DIP2B: variants seen among roughly 807,000 people sequenced by gnomAD.
The protein encoded by DIP2B is DIP2 acetate--CoA ligase B (putative).
A neutral mutation model predicts 198.0 loss-of-function variants in DIP2B; 76 were observed. That is an observed-to-expected ratio of 0.38 (90% confidence interval 0.32 to 0.46). DIP2B has a LOEUF of 0.46. Ranked by LOEUF, DIP2B falls within the 20% of genes least tolerant of loss-of-function variation. DIP2B has a pLI of 0.99. For missense variants in DIP2B, 1,559 were observed against 1,978.4 expected (o/e 0.79, Z 4.02); for synonymous variants, 701 against 739.1 (o/e 0.95, Z 0.84).
chr12:50,529,355 T>C (rs1418121905), intron 1 of DIP2B, among the ~76,000 whole-genome samples: 2 of 152,136 alleles, frequency 1.3e-5, no homozygotes, highest in Non-Finnish European at 2.9e-5. Flanking sequence ...AAGGGAGACA[T>C]GTTCAAGTAC....
chr12:50,639,178 C>T (rs1938211530), intron 2 of DIP2B, among the ~76,000 whole-genome samples: 1 of 151,640 alleles, frequency 6.6e-6, no homozygotes, highest in Non-Finnish European at 1.5e-5. Context: ...CAACCTCTGC[C>T]TCCAGGTTCA....
At chr12:50,627,177 C>T (rs1402777797) in intron 2 of DIP2B, among the ~76,000 whole-genome samples, 3 of 152,112 alleles carry the variant, frequency 2.0e-5, no homozygotes, top group South Asian at 4.1e-4. Context: ...TGGATCTGGC[C>T]CATGCCTCTG....
intron 1 of DIP2B, among the ~76,000 whole-genome samples, chr12:50,558,291 C>T (rs929448276): frequency 2.0e-5 from 3 of 152,136 alleles, no homozygotes; most frequent in African/African-American, 7.2e-5. Context: ...GATCAGTCTC[C>T]TGTACCCTTA....
Position 50,526,297 on chromosome 12 carries a change from G to A in DIP2B, c.100+21057G>A, listed in dbSNP as rs910097825. Among the ~76,000 whole-genome samples the A allele has an allele frequency of 4.6e-5, 7 of 152,286 alleles. No individual in the cohort carries two copies. The East Asian group carries it at 1.3e-3, about 29-fold the overall frequency. On this transcript the variant is annotated intron_variant, in intron 1 of 37. Coordinates refer to ENST00000301180, the MANE Select transcript of DIP2B (RefSeq NM_173602.3). ...AGCTGGTGAGAGCTGCCCCTCAGGG[G>A]CCTATGTGTTTCCTGGCATTTGGTT... is the stretch of plus-strand genomic sequence containing the variant.
intron 9 of DIP2B, among the ~76,000 whole-genome samples, chr12:50,682,419 A>G (rs2139536783): frequency 6.6e-6 from 1 of 152,056 alleles, no homozygotes; most frequent in Non-Finnish European, 1.5e-5. Context: ...AGGTCAGGAG[A>G]TCGATCGAGA....
At chr12:50,538,719 G>A (rs1958292479) in intron 1 of DIP2B, among the ~76,000 whole-genome samples, 1 of 151,998 alleles carries the variant, frequency 6.6e-6, no homozygotes, top group African/African-American at 2.4e-5. Context: ...CACTCTGTAT[G>A]TACAAATTAA....
intron 23 of DIP2B, among the ~76,000 whole-genome samples, chr12:50,717,896 C>CTT (rs60627093): frequency 0.27 from 23,670 of 87,006 alleles, 5,349 homozygotes; most frequent in Non-Finnish European, 0.37. Flanking sequence ...CCATTATTCA[C>CTT]TTTTTTTTTT....
At chr12:50,536,868 T>TA (rs1431128445) in intron 1 of DIP2B, among the ~76,000 whole-genome samples, 2 of 73,180 alleles carry the variant, frequency 2.7e-5, no homozygotes, top group Non-Finnish European at 7.4e-5. Context: ...AATAATTGTA[T>TA]TTTTTTTTTT....
At chr12:50,733,408 C>A (rs1940083311) in intron 32 of DIP2B, among the ~76,000 whole-genome samples, 1 of 151,986 alleles carries the variant, frequency 6.6e-6, no homozygotes, top group African/African-American at 2.4e-5. Flanking sequence ...AAATATAGCG[C>A]CAGGTGTGGT....
At chr12:50,680,640 A>G (rs762665921) in intron 8 of DIP2B, 32 bp from the exon 9 acceptor site, 4 of 1,593,168 alleles carry the variant, frequency 2.5e-6, no homozygotes, top group East Asian at 4.5e-5. Flanking sequence ...TTTTTTCTAT[A>G]TGACTGTTGT....
At chr12:50,731,338 A>G (rs1004813509) in intron 30 of DIP2B, 31 bp from the exon 31 acceptor site, 2 of 1,602,912 alleles carry the variant, frequency 1.2e-6, no homozygotes, top group African/African-American at 2.7e-5. Context: ...GGATGAATTG[A>G]TGATTCCAGC....
At chr12:50,717,509 G>A (rs746627023) in intron 23 of DIP2B, among the ~76,000 whole-genome samples, 15 of 151,566 alleles carry the variant, frequency 9.9e-5, no homozygotes, top group Non-Finnish European at 1.8e-4. Context: ...AGGACTACAG[G>A]CACCCGCCAC....
chr12:50,659,468 T>C (rs891384434), intron 3 of DIP2B, among the ~76,000 whole-genome samples: 1 of 152,074 alleles, frequency 6.6e-6, no homozygotes, highest in Non-Finnish European at 1.5e-5. Flanking sequence ...AGTAAGATTT[T>C]GTAAGAGTTT....
At chr12:50,517,879 A>C (rs1958079864) in intron 1 of DIP2B, among the ~76,000 whole-genome samples, 1 of 152,060 alleles carries the variant, frequency 6.6e-6, no homozygotes, top group Non-Finnish European at 1.5e-5. Flanking sequence ...GTTTCCAGTT[A>C]ACTTCTGTTT....
chr12:50,597,820 G>A (rs1214388610), intron 1 of DIP2B, among the ~76,000 whole-genome samples: 1 of 152,156 alleles, frequency 6.6e-6, no homozygotes, highest in Admixed American at 6.5e-5. Context: ...TGCACATAAA[G>A]TATGCATTAA....
intron 19 of DIP2B, among the ~76,000 whole-genome samples, chr12:50,703,028 C>T (rs1175366281): frequency 6.6e-6 from 1 of 151,834 alleles, no homozygotes; most frequent in African/African-American, 2.4e-5. Flanking sequence ...GAGTTCAATA[C>T]CTCTGGACAA....
intron 1 of DIP2B, among the ~76,000 whole-genome samples, chr12:50,531,886 A>G (rs1958220248): frequency 6.6e-6 from 1 of 152,236 alleles, no homozygotes; most frequent in Non-Finnish European, 1.5e-5. Context: ...GTAGGCACTC[A>G]ACAAATATTT....
chr12:50,696,596 A>C (rs1038020344), intron 16 of DIP2B, among the ~76,000 whole-genome samples: 1 of 152,170 alleles, frequency 6.6e-6, no homozygotes, highest in Admixed American at 6.5e-5. Flanking sequence ...AGAGCACTAC[A>C]CTGTTTGTCA....
At chr12:50,551,167 TA>T (rs2139386240) in intron 1 of DIP2B, among the ~76,000 whole-genome samples, 1 of 152,204 alleles carries the variant, frequency 6.6e-6, no homozygotes, top group African/African-American at 2.4e-5. Context: ...CTCATGTCTG[TA>T]GTCCCAGCAC....
Sources: gnomAD v4.1 joint callset for allele counts (sites outside exome capture counted in the v4.1 genomes callset) on GRCh38, gnomAD v4.1.1 for gene constraint, MANE v1.5 for transcripts, NCBI Gene and HGNC (gene_info 2026-07-23, HGNC 2026-07-21) for gene names.